Variants in PNPLA7 observed in about 807,000 individuals in gnomAD.
PNPLA7 encodes patatin like domain 7, lysophospholipase, also known as patatin-like phospholipase domain-containing protein 7.
Under a neutral mutation model 161.7 loss-of-function variants are expected in PNPLA7, and 153 were observed. The ratio of observed to expected loss-of-function variants is 0.95; its 90% confidence interval spans 0.83 to 1.08. The LOEUF (loss-of-function observed/expected upper bound fraction) is 1.08. PNPLA7 is among the 50% of genes least tolerant of loss of function. The pLI is 0.00. For synonymous variants in PNPLA7, 809 were observed against 782.1 expected, an observed-to-expected ratio of 1.03 and a Z score of -0.57; for missense variants, 1,739 against 1,856.6, an observed-to-expected ratio of 0.94 and a Z score of 1.16.
At chr9:137,484,551 C>T (rs1832371819) in intron 21 of PNPLA7, 36 bp downstream of exon 21, 1 of 1,555,656 alleles carries the variant, frequency 6.4e-7, no homozygotes, top group South Asian at 1.2e-5. Flanking sequence ...GGCCCAGAAC[C>T]CAAGGATGGC....
Position 137,460,451 on chromosome 9 carries a change from C to G in PNPLA7, c.3971G>C (p.Arg1324Pro), listed in dbSNP as rs1387424235. The G allele has an allele frequency of 1.2e-6, 2 of 1,612,636 alleles. No homozygotes were observed. The highest frequency in any genetic ancestry group is 2.2e-5 in the South Asian group (2 of 91,070). The change falls in exon 35 of 35, where the codon CGA (arginine) becomes CCA (proline). Residue 1324 changes from arginine (R) to proline (P), a missense_variant. Around this residue, in one of 6 missense-constraint regions of PNPLA7, gnomAD observed 703 missense variants for 694.6 expected, o/e 1.01. Transcript: ENST00000406427. ...DLEDESSLRH[R>P]HPSLAFPKLS... The stretch of plus-strand genomic sequence containing the variant: ...TTTTGGGAAAGCCAGACTGGGGTGT[C>G]GATGCCGCAGTGAGGACTCGTCCTC...
chr9:137,526,672 A>T (rs905037116), intron 8 of PNPLA7, among the ~76,000 whole-genome samples: 2 of 152,240 alleles, frequency 1.3e-5, no homozygotes, highest in African/African-American at 4.8e-5. Flanking sequence ...GTTGGTCACA[A>T]GTGTGAGTGG....
At chr9:137,491,688 T>G (rs1462647559) in intron 20 of PNPLA7, 1 of 985,294 alleles carries the variant, frequency 1.0e-6, no homozygotes, top group Non-Finnish European at 1.2e-6. Context: ...AGAGTGGGGC[T>G]CACACTTCGC....
chr9:137,518,042 C>T (rs549622798), intron 11 of PNPLA7, among the ~76,000 whole-genome samples: 1 of 121,718 alleles, frequency 8.2e-6, no homozygotes, highest in South Asian at 2.8e-4. Flanking sequence ...CTGTCCACTC[C>T]ATCCCCCACT....
At chr9:137,512,122 C>T (rs866749432) in intron 12 of PNPLA7, among the ~76,000 whole-genome samples, 5 of 152,218 alleles carry the variant, frequency 3.3e-5, no homozygotes, top group African/African-American at 1.2e-4. Context: ...TACAATCTCT[C>T]GTCTTTGCAC....
rs1029124377 is a variant in PNPLA7 at position 137,499,073 on chromosome 9, G to A, written c.1758-828C>T. On this transcript the variant is annotated intron_variant, in intron 16 of 34. Coordinates refer to ENST00000406427, the MANE Select transcript of PNPLA7 (RefSeq NM_001098537.3). This position sits in a 1 kb window ranked among gnomAD's most constrained non-coding sequence, Gnocchi z 5.5. ...GTGGAGGAGGAGCCCTGGGATGCTG[G>A]CTGGGGTGACGGCTGCAAGGCACAC... Among the ~76,000 whole-genome samples the A allele has an allele frequency of 3.9e-5, 6 of 151,956 alleles. No individual in the cohort carries two copies. The highest frequency in any genetic ancestry group is 1.5e-4 in the African/African-American group (6 of 41,356).
At chr9:137,484,494 C>CCG in intron 21 of PNPLA7, 93 bp downstream of exon 21, 1 of 1,385,502 alleles carries the variant, frequency 7.2e-7, no homozygotes, top group Non-Finnish European at 9.6e-7. Context: ...CCACCCACCG[C>CCG]CGCGTCCCCT....
intron 12 of PNPLA7, 103 bp from the exon 13 acceptor site, chr9:137,506,186 G>C (rs747031813): frequency 6.5e-6 from 6 of 917,564 alleles, no homozygotes; most frequent in Non-Finnish European, 1.0e-5. Context: ...CACAGACCCC[G>C]GCAGCTCCCT....
Position 137,467,296 on chromosome 9 carries a change from G to A in PNPLA7, c.3039+21C>T, listed in dbSNP as rs776182401. 3 of 1,604,168 alleles carry A rather than the reference G, an allele frequency of 1.9e-6. No individual in the cohort carries two copies. Among genetic ancestry groups the A allele is most frequent in the Non-Finnish European group, 2.6e-6 (3 of 1,175,088 alleles). ...GGACCTGGGGGCTGTGCTCCGGTGA[G>A]GGTGATGGGTGCCTGCTTACCTCGG... On this transcript the variant is annotated intron_variant, in intron 26 of 34. Transcript: ENST00000406427. This position sits in a 1 kb window ranked among gnomAD's most constrained non-coding sequence, Gnocchi z 5.1.
intron 8 of PNPLA7, among the ~76,000 whole-genome samples, chr9:137,538,062 C>T (rs564329767): frequency 6.6e-6 from 1 of 152,274 alleles, no homozygotes; most frequent in Non-Finnish European, 1.5e-5. Context: ...GACACACTAA[C>T]CAGAGGCTCC....
In PNPLA7 at chr9:137,460,405, G is replaced by A. The variant is rs1042539565; in HGVS notation, c.4017C>T (p.Asp1339=). Residue 1339 remains aspartate (D), a synonymous_variant, in exon 35 of 35, where the codon GAC becomes GAT. Transcript: ENST00000406427. ...TTAGCAGAGGCCTCTACCCGTCCTG[G>A]TCAGAGGAGCCCTCAGACAGTTTTG... is the stretch of plus-strand genomic sequence containing the variant. ...AFPKLSEGSS[D]QDG 1 of 1,612,594 alleles carries A rather than the reference G, an allele frequency of 6.2e-7. No individual in the cohort carries two copies. The highest frequency in any genetic ancestry group is 2.2e-5 in the East Asian group (1 of 44,880).
In PNPLA7 at chr9:137,499,966, G is replaced by A. The variant is rs868198866; in HGVS notation, c.1757+725C>T. Reference sequence around the variant, plus strand: ...ACGGCTCAAGCCACCAGAGGCGAGAGCTGGGGTTAAACTGAACCCCAGGCT... The same window carrying A: ...ACGGCTCAAGCCACCAGAGGCGAGAACTGGGGTTAAACTGAACCCCAGGCT... On this transcript the variant is annotated intron_variant, in intron 16 of 34. Transcript: ENST00000406427. This position sits in a 1 kb window ranked among gnomAD's most constrained non-coding sequence, Gnocchi z 5.5. Among the ~76,000 whole-genome samples the A allele has an allele frequency of 6.6e-6, 1 of 152,234 alleles. No individual in the cohort carries two copies. The highest frequency in any genetic ancestry group is 1.9e-4 in the East Asian group (1 of 5,192).
intron 21 of PNPLA7, 108 bp downstream of exon 21, chr9:137,484,479 C>G (rs1832366798): frequency 7.8e-7 from 1 of 1,284,978 alleles, no homozygotes. Context: ...CCAACTGAGC[C>G]CTGCCCACCC....
intron 29 of PNPLA7, 170 bp downstream of exon 29, chr9:137,463,245 G>C: frequency 1.6e-6 from 1 of 643,912 alleles, no homozygotes. Context: ...ACACGCGTGT[G>C]CATGTTCTCG....
At chr9:137,480,757 C>T in intron 22 of PNPLA7, 1 of 744,994 alleles carries the variant, frequency 1.3e-6, no homozygotes, top group Non-Finnish European at 2.2e-6. Flanking sequence ...GGCTGGGGTC[C>T]CCTGGGAGGC....
chr9:137,513,201 A>T (rs1161117584), intron 12 of PNPLA7, among the ~76,000 whole-genome samples: 1 of 152,108 alleles, frequency 6.6e-6, no homozygotes, highest in African/African-American at 2.4e-5. Context: ...TAATAAAAAT[A>T]GTCTTTGAGG....
rs1831107810 is a variant in PNPLA7, at chr9:137,460,228, C to T, written c.*165G>A. 1 of 624,428 alleles carries T rather than the reference C, an allele frequency of 1.6e-6. No individual in the cohort carries two copies. 38.7% of individuals were successfully genotyped at this position (624,428 alleles called of 1,614,324 possible). ...TCACAGGGCCCTGTATGCAGGGCTG[C>T]TGGTACAAAGAAGAGGCCCAGAGAA... is the stretch of plus-strand genomic sequence containing the variant. On this transcript the variant is annotated 3_prime_UTR_variant, in exon 35 of 35. Coordinates refer to ENST00000406427, the MANE Select transcript of PNPLA7 (RefSeq NM_001098537.3).
Position 137,515,413 on chromosome 9 carries a change from G to T in PNPLA7, c.1191C>A (p.Pro397=). The T allele has an allele frequency of 6.2e-7, 1 of 1,603,962 alleles. No homozygotes were observed. The highest frequency in any genetic ancestry group is 8.5e-7 in the Non-Finnish European group (1 of 1,176,380). The part of the protein sequence containing the change: ...RKQILEELEK[P]GAGDPDPSAP... ...CCGAAGGGTCAGGGTCACCTGCCCCGGGCTTCTCCAGCTCCTCCAAGATCT... is the reference window on the plus strand; with the variant it reads ...CCGAAGGGTCAGGGTCACCTGCCCCTGGCTTCTCCAGCTCCTCCAAGATCT... The change falls in exon 12 of 35, where the codon CCC becomes CCA. Residue 397 remains proline (P), a synonymous_variant. Transcript: ENST00000406427.
In PNPLA7 at chr9:137,479,116, G is replaced by C; in HGVS notation, c.2703C>G (p.Ser901=). The change falls in exon 24 of 35, where the codon TCC becomes TCG. Residue 901 remains serine, a synonymous_variant. Transcript: ENST00000406427. ...VEWLNMRSWC[S]GHLHLCCPRR... ...GCGGGCAGCAGAGGTGCAGGTGGCCGGAGCACCAGCTCCGCATGTTGAGCC... is the reference window on the plus strand; with the variant it reads ...GCGGGCAGCAGAGGTGCAGGTGGCCCGAGCACCAGCTCCGCATGTTGAGCC... 6.3e-7 allele frequency: 1 copy of C among 1,598,744 alleles called. No homozygotes were observed. Among genetic ancestry groups the C allele is most frequent in the Non-Finnish European group, 8.5e-7 (1 of 1,173,782 alleles).
Sources: allele counts gnomAD v4.1 joint callset (sites outside exome capture counted in the v4.1 genomes callset), GRCh38; gene constraint gnomAD v4.1.1; regional missense constraint gnomAD v4.1.1; non-coding constraint Gnocchi (gnomAD v3.1); transcripts MANE v1.5; gene names NCBI Gene and HGNC (gene_info 2026-07-23, HGNC 2026-07-21).